The following RABGAP1L variants were observed in gnomAD, a reference collection of about 807,000 sequenced individuals.
The protein encoded by RABGAP1L is RAB GTPase activating protein 1 like, also known as rab GTPase-activating protein 1-like.
A neutral mutation model predicts 137.7 loss-of-function variants in RABGAP1L; 63 were observed. That is an observed-to-expected ratio of 0.46 (90% CI 0.37 to 0.56). The LOEUF (loss-of-function observed/expected upper bound fraction) is 0.56. RABGAP1L is among the 20% of genes least tolerant of loss of function. RABGAP1L has a pLI of 0.00. For synonymous variants in RABGAP1L, 431 were observed against 433.7 expected, an observed-to-expected ratio of 0.99 and a Z score of 0.08; for missense variants, 1,095 against 1,244.0, an observed-to-expected ratio of 0.88 and a Z score of 1.80.
In RABGAP1L at chr1:174,271,237, C is replaced by T. The variant is rs59489087; in HGVS notation, c.987-1177C>T. ...TTGGGTGCCAGAAGGAAGCCTTGAA[C>T]AAGTGATCCTCAAGAACTTATAGGA... On this transcript the variant is annotated intron_variant, in intron 7 of 25. Coordinates refer to ENST00000681986, the MANE Select transcript of RABGAP1L (RefSeq NM_001366446.1). Among the ~76,000 whole-genome samples, 941 of 152,214 alleles carry T rather than the reference C, an allele frequency of 6.2e-3. 8 individuals carry two copies. The highest frequency in any genetic ancestry group is 0.02 in the African/African-American group (838 of 41,556).
intron 13 of RABGAP1L, among the ~76,000 whole-genome samples, chr1:174,615,396 C>A (rs12071183): frequency 6.6e-6 from 1 of 151,920 alleles, no homozygotes; most frequent in African/African-American, 2.4e-5. Flanking sequence ...TGCGGATTTT[C>A]GTGAACCACA....
chr1:174,484,501 C>T (rs184451858), intron 13 of RABGAP1L, among the ~76,000 whole-genome samples: 485 of 152,254 alleles, frequency 3.2e-3, no homozygotes, highest in Non-Finnish European at 6.0e-3. Flanking sequence ...TTAAAAGTTT[C>T]CCCAATATTT....
chr1:174,564,847 C>G (rs16847176), intron 13 of RABGAP1L, among the ~76,000 whole-genome samples: 2 of 152,182 alleles, frequency 1.3e-5, no homozygotes, highest in African/African-American at 4.8e-5. Flanking sequence ...AAGTAGTATA[C>G]CTGAATAAGG....
At chr1:174,410,552 TGTAG>T (rs1166182518) in intron 13 of RABGAP1L, among the ~76,000 whole-genome samples, 23 of 152,294 alleles carry the variant, frequency 1.5e-4, no homozygotes, top group African/African-American at 5.5e-4. Flanking sequence ...ATCAGATGGC[TGTAG>T]GTGTGTGGCT....
At chr1:174,989,824 C>G in intron 25 of RABGAP1L, 25 bp from the exon 26 acceptor site, 1 of 1,544,184 alleles carries the variant, frequency 6.5e-7, no homozygotes, top group Non-Finnish European at 8.8e-7. Flanking sequence ...TTATTTAACT[C>G]AGATGATTTT....
chr1:174,729,680 C>T (rs915545121), intron 17 of RABGAP1L, among the ~76,000 whole-genome samples: 12 of 152,136 alleles, frequency 7.9e-5, no homozygotes, highest in African/African-American at 2.9e-4. Context: ...AGACACTTCT[C>T]AAAAGAAGAC....
Position 174,220,986 on chromosome 1 carries a change from T to G in RABGAP1L, c.153T>G (p.Gly51=), listed in dbSNP as rs1156789776. ...EKPQLKIVSN[G]DEQLEKAMEE... ...TGTGTCTGTAGATAGTTTCTAATGGTGATGAACAATTGGAAAAAGCCATGG... is the reference window on the plus strand; with the variant it reads ...TGTGTCTGTAGATAGTTTCTAATGGGGATGAACAATTGGAAAAAGCCATGG... Residue 51 remains glycine, a synonymous_variant, in exon 3 of 26, where the codon GGT becomes GGG. Transcript: ENST00000681986. The G allele has an allele frequency of 6.2e-7, 1 of 1,610,808 alleles. No individual in the cohort carries two copies. The highest frequency in any genetic ancestry group is 8.5e-7 in the Non-Finnish European group (1 of 1,178,390).
At chr1:174,962,410 C>A (rs1669235945) in intron 20 of RABGAP1L, among the ~76,000 whole-genome samples, 1 of 151,986 alleles carries the variant, frequency 6.6e-6, no homozygotes, top group African/African-American at 2.4e-5. Context: ...AATGTTTAAC[C>A]TCATTCTTGA....
intron 19 of RABGAP1L, chr1:174,874,343 C>A: frequency 2.9e-6 from 1 of 340,680 alleles, no homozygotes; most frequent in Non-Finnish European, 4.2e-6. Context: ...AATCTATTCT[C>A]TCCCTCTCAA....
At chr1:174,936,688 T>C (rs539700533) in intron 19 of RABGAP1L, among the ~76,000 whole-genome samples, 4 of 152,288 alleles carry the variant, frequency 2.6e-5, no homozygotes, top group Non-Finnish European at 1.5e-5. Context: ...GACAACAAAG[T>C]GCTCCCTAAC....
intron 5 of RABGAP1L, among the ~76,000 whole-genome samples, chr1:174,248,649 A>T (rs1325078220): frequency 2.6e-5 from 4 of 152,142 alleles, no homozygotes; most frequent in African/African-American, 9.7e-5. Flanking sequence ...AAGTTTTTGA[A>T]TGTGTTAGAC....
chr1:174,890,257 T>C (rs1324180554), intron 19 of RABGAP1L, among the ~76,000 whole-genome samples: 1 of 152,200 alleles, frequency 6.6e-6, no homozygotes, highest in Non-Finnish European at 1.5e-5. Flanking sequence ...GTTAGAAATG[T>C]GTAGGTGCTG....
At chr1:174,933,094 GCATACATACATA>G (rs200140078) in intron 19 of RABGAP1L, among the ~76,000 whole-genome samples, 2 of 151,846 alleles carry the variant, frequency 1.3e-5, no homozygotes, top group Non-Finnish European at 2.9e-5. Context: ...ATACATACAT[GCATACATACATA>G]CATACATACA....
At chr1:174,502,016 CTTAA>C (rs1313817596) in intron 13 of RABGAP1L, among the ~76,000 whole-genome samples, 1 of 150,596 alleles carries the variant, frequency 6.6e-6, no homozygotes, top group East Asian at 1.9e-4. Flanking sequence ...TTTGGAAACT[CTTAA>C]TTAAAAGAAA....
chr1:174,952,707 A>G (rs1050191421), intron 19 of RABGAP1L, among the ~76,000 whole-genome samples: 2 of 152,058 alleles, frequency 1.3e-5, no homozygotes, highest in African/African-American at 4.8e-5. Context: ...CTCCCACCTC[A>G]GCCTCCCAAG....
At chr1:174,983,202 C>T (rs1371477408) in intron 24 of RABGAP1L, among the ~76,000 whole-genome samples, 1 of 152,100 alleles carries the variant, frequency 6.6e-6, no homozygotes, top group Admixed American at 6.6e-5. Flanking sequence ...AACCTGAGAA[C>T]CCTCAGCAGC....
chr1:174,427,848 A>T (rs1652139561), intron 13 of RABGAP1L, among the ~76,000 whole-genome samples: 1 of 152,176 alleles, frequency 6.6e-6, no homozygotes, highest in Non-Finnish European at 1.5e-5. Flanking sequence ...TGTGCCAGGC[A>T]CTGTACTTGC....
chr1:174,363,751 A>G (rs959823673), intron 11 of RABGAP1L, among the ~76,000 whole-genome samples: 1 of 151,960 alleles, frequency 6.6e-6, no homozygotes, highest in African/African-American at 2.4e-5. Context: ...GGTTTTTATT[A>G]TGAAGGAATG....
At chr1:174,476,835 G>A (rs1658557646) in intron 13 of RABGAP1L, among the ~76,000 whole-genome samples, 1 of 152,234 alleles carries the variant, frequency 6.6e-6, no homozygotes, top group South Asian at 2.1e-4. Context: ...GGCAAGAGAT[G>A]TGCAGAAGCA....
Sources: allele counts gnomAD v4.1 joint callset (sites outside exome capture counted in the v4.1 genomes callset), GRCh38; gene constraint gnomAD v4.1.1; transcripts MANE v1.5; gene names NCBI Gene and HGNC (gene_info 2026-07-23, HGNC 2026-07-21).